The following SASH1 variants were observed in gnomAD, a reference collection of about 807,000 sequenced individuals.
SASH1 encodes the protein SAM and SH3 domain containing 1.
In SASH1, 44 loss-of-function variants were observed where a neutral mutation model predicts 125.2. The ratio of observed to expected loss-of-function variants is 0.35; its 90% CI spans 0.28 to 0.45. The LOEUF (loss-of-function observed/expected upper bound fraction) is 0.45, where lower values mean the gene tolerates loss of function less well. Ranked by LOEUF, SASH1 falls within the 20% of genes least tolerant of loss-of-function variation. SASH1 has a pLI of 1.00. For missense variants in SASH1, 1,426 were observed against 1,614.5 expected, an observed-to-expected ratio of 0.88 and a Z score of 2.00; for synonymous variants, 639 against 649.1, an observed-to-expected ratio of 0.98 and a Z score of 0.24.
chr6:148,512,597 T>C, intron 8 of SASH1: 1 of 984,888 alleles, frequency 1.0e-6, no homozygotes, highest in Non-Finnish European at 1.2e-6. Flanking sequence ...GACAAAACCA[T>C]TTTGTATTAT....
intron 1 of SASH1, among the ~76,000 whole-genome samples, chr6:148,316,646 G>A (rs978518415): frequency 2.0e-5 from 3 of 152,220 alleles, no homozygotes; most frequent in Non-Finnish European, 4.4e-5. Flanking sequence ...CTGAAAGTTA[G>A]ACATTTTGTT....
the SASH1 span, among the ~76,000 whole-genome samples, chr6:148,205,739 C>T: frequency 3.9e-5 from 6 of 152,210 alleles, no homozygotes; most frequent in African/African-American, 1.4e-4. Flanking sequence ...TATCCTAACC[C>T]TGCTGTCTGG....
intron 8 of SASH1, among the ~76,000 whole-genome samples, chr6:148,509,969 G>A (rs537859253): frequency 5.1e-4 from 77 of 152,324 alleles, no homozygotes; most frequent in African/African-American, 1.8e-3. Flanking sequence ...GGTGCCAGAC[G>A]GGCCCCATAG....
chr6:148,446,544 G>A (rs1464456923), intron 4 of SASH1, among the ~76,000 whole-genome samples: 1 of 152,188 alleles, frequency 6.6e-6, no homozygotes, highest in East Asian at 1.9e-4. Context: ...CTGACAAGCT[G>A]TGTGTCAAGA....
the SASH1 span, among the ~76,000 whole-genome samples, chr6:148,234,083 G>C: frequency 1.3e-5 from 2 of 151,940 alleles, no homozygotes; most frequent in Non-Finnish European, 2.9e-5. Context: ...TGTAGCCCAG[G>C]CTGGAGTGCA....
intron 2 of SASH1, among the ~76,000 whole-genome samples, chr6:148,427,966 G>A (rs1195888769): frequency 6.6e-6 from 1 of 152,236 alleles, no homozygotes; most frequent in Non-Finnish European, 1.5e-5. Flanking sequence ...AATTTTCCAT[G>A]TGGTATCTTT....
chr6:148,474,140 T>C lies in SASH1; in HGVS notation c.545T>C (p.Ile182Thr), dbSNP rs1359011587. ...GEDVGYVASE[I>T]TMSDEERIQL... ...GACGTTGGTTATGTTGCCAGTGAAA[T>C]AACGATGAGCGATGAGGAGCGGATT... Residue 182 changes from isoleucine to threonine, a missense_variant, in exon 7 of 20, where the codon ATA becomes ACA. Around this residue, in one of 3 missense-constraint regions of SASH1, gnomAD observed 567 missense variants for 575.6 expected, o/e 0.99. Transcript: ENST00000367467. The C allele has an allele frequency of 6.2e-7, 1 of 1,612,090 alleles. No homozygotes were observed. Among genetic ancestry groups the C allele is most frequent in the Non-Finnish European group, 8.5e-7 (1 of 1,179,170 alleles).
chr6:148,464,466 C>T (rs773769458), intron 4 of SASH1, among the ~76,000 whole-genome samples: 1 of 152,204 alleles, frequency 6.6e-6, no homozygotes, highest in African/African-American at 2.4e-5. Context: ...CCAGCTCCAG[C>T]GCCCACCATC....
At chr6:148,206,332 A>G in the SASH1 span, among the ~76,000 whole-genome samples, 595 of 152,220 alleles carry the variant, frequency 3.9e-3, 2 homozygotes, top group South Asian at 8.5e-3. Flanking sequence ...TTTGCAAATC[A>G]TATGAAACTT....
the SASH1 span, among the ~76,000 whole-genome samples, chr6:148,241,682 T>G: frequency 1.3e-5 from 2 of 152,220 alleles, no homozygotes; most frequent in African/African-American, 4.8e-5. Context: ...AACTTCATAG[T>G]TAAGAGGGCA....
At chr6:148,325,604 T>G (rs995458943) in intron 1 of SASH1, among the ~76,000 whole-genome samples, 2 of 151,986 alleles carry the variant, frequency 1.3e-5, no homozygotes, top group Non-Finnish European at 2.9e-5. Context: ...CATCAGATCT[T>G]ACGAGAACTC....
At chr6:148,342,041 C>G (rs546981789), upstream of SASH1, among the ~76,000 whole-genome samples, 1 of 152,194 alleles carries the variant, frequency 6.6e-6, no homozygotes, top group Non-Finnish European at 1.5e-5. Context: ...ACTGGCTACA[C>G]AATCATTTGA....
rs377513066 is a variant in SASH1 at position 148,353,435 on chromosome 6, A to ATTTTT, written c.156+10228_156+10232dup. Among the ~76,000 whole-genome samples the ATTTTT allele has an allele frequency of 2.3e-3, 253 of 108,782 alleles. 2 individuals carry two copies. Among genetic ancestry groups the ATTTTT allele is most frequent in the Non-Finnish European group, 3.7e-3 (212 of 56,776 alleles). 71.4% of individuals were successfully genotyped at this position (108,782 alleles called of 152,430 possible). ...ATTCTACATGTTCAATTTAAGATTG[A>ATTTTT]TTTTTTTTTTTTTTTTTTTTGGACA... On this transcript the variant is annotated intron_variant, in intron 1 of 19. Coordinates refer to ENST00000367467, the MANE Select transcript of SASH1 (RefSeq NM_015278.5).
At chr6:148,363,053 G>A (rs1192743300) in intron 1 of SASH1, among the ~76,000 whole-genome samples, 4 of 152,158 alleles carry the variant, frequency 2.6e-5, no homozygotes, top group African/African-American at 9.7e-5. Flanking sequence ...GGCTTCTTAG[G>A]TCTGGGCAGA....
intron 4 of SASH1, among the ~76,000 whole-genome samples, chr6:148,459,192 G>C (rs1389080775): frequency 6.6e-6 from 1 of 152,132 alleles, no homozygotes; most frequent in Non-Finnish European, 1.5e-5. Flanking sequence ...TTCTTATGCA[G>C]TTCAGACCCA....
the SASH1 span, among the ~76,000 whole-genome samples, chr6:148,239,006 A>C: frequency 6.6e-6 from 1 of 152,192 alleles, no homozygotes; most frequent in Non-Finnish European, 1.5e-5. Flanking sequence ...GAATCTGCAA[A>C]GTACCGAGTA....
chr6:148,385,720 G>T (rs2114800893), intron 1 of SASH1, among the ~76,000 whole-genome samples: 1 of 152,314 alleles, frequency 6.6e-6, no homozygotes. Context: ...AAAAGACTGG[G>T]TTCTGGGAGC....
In SASH1 at chr6:148,273,252, C is replaced by T. The variant is rs1193920727; in HGVS notation, n.74+875C>T. The stretch of plus-strand genomic sequence containing the variant: ...TCTAGCCTTGGTGACAGAGTGAGAT[C>T]TTGTCTCTTCTTTTCTTCTTCTTTT... On this transcript the variant is annotated intron_variant and non_coding_transcript_variant, in intron 1 of 3. Coordinates refer to the SASH1 transcript ENST00000367469. Among the ~76,000 whole-genome samples the T allele has an allele frequency of 4.6e-5, 7 of 150,884 alleles. No homozygotes were observed. The South Asian group carries it at 1.3e-3, about 27-fold the overall frequency.
At chr6:148,510,995 CAAAAAAAAA>C (rs5880785) in intron 8 of SASH1, among the ~76,000 whole-genome samples, 7 of 115,368 alleles carry the variant, frequency 6.1e-5, no homozygotes, top group Non-Finnish European at 7.1e-5. Flanking sequence ...GACTCCATCT[CAAAAAAAAA>C]AAAAAAAAAG....
Sources: gnomAD v4.1 joint callset for allele counts (sites outside exome capture counted in the v4.1 genomes callset) on GRCh38, gnomAD v4.1.1 for gene constraint, gnomAD v4.1.1 regional missense constraint, MANE v1.5 for transcripts, NCBI Gene and HGNC (gene_info 2026-07-23, HGNC 2026-07-21) for gene names.